HECW2: variants seen among roughly 807,000 people sequenced by gnomAD.
The protein encoded by HECW2 is HECT, C2 and WW domain containing E3 ubiquitin protein ligase 2, also known as E3 ubiquitin-protein ligase HECW2.
A neutral mutation model predicts 175.2 loss-of-function variants in HECW2; 61 were observed. The ratio of observed to expected loss-of-function variants is 0.35; its 90% confidence interval spans 0.28 to 0.43. The LOEUF is 0.43. Ranked by LOEUF, HECW2 falls within the 20% of genes least tolerant of loss-of-function variation. HECW2 has a pLI of 1.00. For synonymous variants in HECW2, 671 were observed against 731.0 expected (o/e 0.92, Z 1.32); for missense variants, 1,524 against 2,000.5 (o/e 0.76, Z 4.54).
intron 13 of HECW2, among the ~76,000 whole-genome samples, chr2:196,298,970 A>C (rs1690922716): frequency 6.6e-6 from 1 of 152,212 alleles, no homozygotes; most frequent in South Asian, 2.1e-4. Context: ...TCTAGGAAAA[A>C]AGAAAACATT....
At chr2:196,429,685 C>T (rs1298753514) in intron 2 of HECW2, among the ~76,000 whole-genome samples, 2 of 152,138 alleles carry the variant, frequency 1.3e-5, no homozygotes, top group Non-Finnish European at 2.9e-5. Context: ...TATGATCACC[C>T]AGATCTCAGA....
At chr2:196,580,644 G>A (rs868652542) in intron 1 of HECW2, among the ~76,000 whole-genome samples, 3 of 146,394 alleles carry the variant, frequency 2.0e-5, no homozygotes, top group East Asian at 2.0e-4. Context: ...CTTCACACCC[G>A]CTACAATGGC....
chr2:196,502,893 CTA>C (rs1304246695), intron 1 of HECW2, among the ~76,000 whole-genome samples: 2 of 152,156 alleles, frequency 1.3e-5, no homozygotes, highest in African/African-American at 4.8e-5. Flanking sequence ...GTCCAAATCC[CTA>C]TGTCTAAATA....
chr2:196,474,807 CTGAGA>C (rs1686500275), intron 1 of HECW2, among the ~76,000 whole-genome samples: 1 of 152,116 alleles, frequency 6.6e-6, no homozygotes, highest in Non-Finnish European at 1.5e-5. Flanking sequence ...AAAGCACTTG[CTGAGA>C]TTTCTAATTT....
At chr2:196,227,183 G>A (rs1687881091) in intron 22 of HECW2, among the ~76,000 whole-genome samples, 1 of 152,172 alleles carries the variant, frequency 6.6e-6, no homozygotes, top group Non-Finnish European at 1.5e-5. Context: ...AAGTTAATTT[G>A]AAGAGTAAGT....
At chr2:196,442,351 A>G (rs540622018) in intron 1 of HECW2, among the ~76,000 whole-genome samples, 5 of 152,338 alleles carry the variant, frequency 3.3e-5, no homozygotes, top group African/African-American at 1.2e-4. Context: ...GTGAAAATGC[A>G]GTGAGAAACA....
At chr2:196,272,975 A>G (rs1042558105) in intron 16 of HECW2, among the ~76,000 whole-genome samples, 4 of 151,114 alleles carry the variant, frequency 2.6e-5, no homozygotes, top group African/African-American at 9.8e-5. Context: ...TGGGCATTAC[A>G]TTGAATTTCA....
chr2:196,470,896 A>G (rs548852722), intron 1 of HECW2, among the ~76,000 whole-genome samples: 2 of 152,190 alleles, frequency 1.3e-5, no homozygotes, highest in South Asian at 4.1e-4. Context: ...AGAAAAAAAG[A>G]AAACAGCAAA....
intron 17 of HECW2, among the ~76,000 whole-genome samples, chr2:196,259,719 C>A (rs758008531): frequency 6.6e-6 from 1 of 152,088 alleles, no homozygotes. Flanking sequence ...ATCTGAAACA[C>A]GTGATGGAAA....
chr2:196,457,631 T>C (rs912819073), intron 1 of HECW2, among the ~76,000 whole-genome samples: 1 of 152,232 alleles, frequency 6.6e-6, no homozygotes, highest in Admixed American at 6.5e-5. Flanking sequence ...TGTGACCTTA[T>C]GTAAGTCAAC....
intron 2 of HECW2, among the ~76,000 whole-genome samples, chr2:196,392,437 T>C (rs1389780371): frequency 6.6e-6 from 1 of 152,172 alleles, no homozygotes; most frequent in African/African-American, 2.4e-5. Context: ...ATTCCTTAAT[T>C]AAAATGCTAC....
intron 4 of HECW2, among the ~76,000 whole-genome samples, chr2:196,329,970 C>A (rs1401692772): frequency 6.6e-6 from 1 of 152,048 alleles, no homozygotes. Flanking sequence ...CTATATTAAA[C>A]ATTCTCTTTA....
chr2:196,439,168 GAA>G (rs1695968634), intron 1 of HECW2, among the ~76,000 whole-genome samples: 1 of 152,160 alleles, frequency 6.6e-6, no homozygotes, highest in Non-Finnish European at 1.5e-5. Context: ...TACTGTGGAT[GAA>G]AGTGTTCAAT....
intron 21 of HECW2, among the ~76,000 whole-genome samples, chr2:196,231,897 G>A (rs957952010): frequency 6.8e-6 from 1 of 146,806 alleles, no homozygotes; most frequent in Non-Finnish European, 1.5e-5. Flanking sequence ...GCTGAGGCAG[G>A]AGAATGGCGT....
chr2:196,433,107 T>G, intron 2 of HECW2, 25 bp downstream of exon 2: 15 of 1,577,378 alleles, frequency 9.5e-6, no homozygotes, highest in Non-Finnish European at 1.3e-5. Flanking sequence ...CTGAGTCACA[T>G]GCAAGTCCAT....
At chr2:196,216,124 AC>A (rs1687466930) in intron 27 of HECW2, 147 bp from the exon 28 acceptor site, 1 of 610,952 alleles carries the variant, frequency 1.6e-6, no homozygotes, top group South Asian at 2.0e-5. Flanking sequence ...AATAATCACA[AC>A]ACAATTCTGA....
chr2:196,423,684 T>TTTTGTGTGTGTGTG (rs1695465055), intron 2 of HECW2, among the ~76,000 whole-genome samples: 2 of 139,946 alleles, frequency 1.4e-5, no homozygotes, highest in South Asian at 2.4e-4. Context: ...TAGTATTCCA[T>TTTTGTGTGTGTGTG]TGTGTGTGTG....
intron 1 of HECW2, among the ~76,000 whole-genome samples, chr2:196,520,082 A>C (rs1026886439): frequency 6.6e-6 from 1 of 152,234 alleles, no homozygotes; most frequent in African/African-American, 2.4e-5. Flanking sequence ...TGATTCTAGA[A>C]CTGAAAAAGG....
intron 28 of HECW2, among the ~76,000 whole-genome samples, chr2:196,215,435 T>C (rs1485885322): frequency 6.6e-6 from 1 of 152,214 alleles, no homozygotes; most frequent in Admixed American, 6.5e-5. Flanking sequence ...AATTAAGACA[T>C]GTACGAGACA....
Sources: gnomAD v4.1 joint callset for allele counts (sites outside exome capture counted in the v4.1 genomes callset) on GRCh38, gnomAD v4.1.1 for gene constraint, MANE v1.5 for transcripts, NCBI Gene and HGNC (gene_info 2026-07-23, HGNC 2026-07-21) for gene names.